B3GALT1: variants seen among roughly 807,000 people sequenced by gnomAD.
B3GALT1 encodes UDP-Gal:betaGlcNAc beta 1,3-galactosyltransferase, polypeptide 1.
B3GALT1 carries 10 observed loss-of-function variants against 23.2 expected under a neutral mutation model. The observed-to-expected ratio is 0.43, with a 90% confidence interval of 0.27 to 0.73. The LOEUF (loss-of-function observed/expected upper bound fraction) is 0.73. Ranked by LOEUF, B3GALT1 falls within the 30% of genes least tolerant of loss-of-function variation. The probability of loss-of-function intolerance (pLI) is 0.21; values close to 1 mark genes in which losing one functional copy is unlikely to be tolerated. For synonymous variants in B3GALT1, 156 were observed against 141.5 expected (o/e 1.10, Z -0.73); for missense variants, 299 against 405.4 (o/e 0.74, Z 2.25).
At chr2:167,350,530 T>C (rs1460893621) in intron 1 of B3GALT1, among the ~76,000 whole-genome samples, 1 of 152,194 alleles carries the variant, frequency 6.6e-6, no homozygotes, top group African/African-American at 2.4e-5. Context: ...AGCTCACAGA[T>C]TGCATTGCAT....
At chr2:167,598,953 G>A (rs1684828820) in intron 2 of B3GALT1, among the ~76,000 whole-genome samples, 2 of 152,064 alleles carry the variant, frequency 1.3e-5, no homozygotes, top group South Asian at 2.1e-4. Context: ...CTTTTAGACT[G>A]TCCAGTACCA....
chr2:167,472,596 T>C (rs771311604), intron 1 of B3GALT1, among the ~76,000 whole-genome samples: 2 of 152,150 alleles, frequency 1.3e-5, no homozygotes, highest in Non-Finnish European at 2.9e-5. Flanking sequence ...AAATATTCTA[T>C]ACAAGTTCAT....
intron 2 of B3GALT1, among the ~76,000 whole-genome samples, chr2:167,620,704 C>T (rs1399022148): frequency 1.4e-5 from 2 of 141,522 alleles, no homozygotes; most frequent in African/African-American, 2.7e-5. Context: ...GCCCTGTCTT[C>T]CTGCTTCAGC....
intron 3 of B3GALT1, among the ~76,000 whole-genome samples, chr2:167,747,995 G>A (rs924010539): frequency 6.6e-6 from 1 of 152,044 alleles, no homozygotes; most frequent in African/African-American, 2.4e-5. Context: ...CATTTAGTAA[G>A]CATTTCTAGT....
intron 1 of B3GALT1, among the ~76,000 whole-genome samples, chr2:167,370,199 C>A (rs1237132852): frequency 6.6e-6 from 1 of 151,880 alleles, no homozygotes; most frequent in African/African-American, 2.4e-5. Context: ...TACTTTATTG[C>A]TGTATATACA....
intron 4 of B3GALT1, among the ~76,000 whole-genome samples, chr2:167,821,568 G>A (rs1689107593): frequency 6.6e-6 from 1 of 151,412 alleles, no homozygotes; most frequent in South Asian, 2.1e-4. Context: ...CCAAGTAGCT[G>A]GAATTACAGG....
intron 2 of B3GALT1, among the ~76,000 whole-genome samples, chr2:167,560,852 T>C (rs1448578346): frequency 6.6e-6 from 1 of 152,014 alleles, no homozygotes; most frequent in East Asian, 1.9e-4. Context: ...CACACAATAA[T>C]AATGGGAGAC....
chr2:167,710,363 G>A (rs1687029668), intron 3 of B3GALT1, among the ~76,000 whole-genome samples: 1 of 152,172 alleles, frequency 6.6e-6, no homozygotes, highest in Non-Finnish European at 1.5e-5. Flanking sequence ...TAAATTAGAA[G>A]CAACCTTAGA....
chr2:167,479,208 T>G (rs780947492), intron 1 of B3GALT1, among the ~76,000 whole-genome samples: 5 of 152,148 alleles, frequency 3.3e-5, no homozygotes, highest in African/African-American at 4.8e-5. Flanking sequence ...TATTAGTGTA[T>G]AGGTAGTTGA....
chr2:167,547,718 A>G (rs1414379682), intron 2 of B3GALT1, among the ~76,000 whole-genome samples: 1 of 150,722 alleles, frequency 6.6e-6, no homozygotes, highest in African/African-American at 2.4e-5. Flanking sequence ...AAAAAAGAAG[A>G]GTCACAGAGG....
Position 167,871,891 on chromosome 2 carries a change from CTTTTTTTTTTTTTT to C in B3GALT1, c.*1886_*1899del, listed in dbSNP as rs397870339. ...AGAGTGTACCTTTTTTATTTATTTA[CTTTTTTTTTTTTTT>C]TTTTTTTTTTTTTTGAGACGGAGTC... On this transcript the variant is annotated 3_prime_UTR_variant, in exon 5 of 5. Transcript: ENST00000392690. 2 of 62,450 alleles carry C rather than the reference CTTTTTTTTTTTTTT, an allele frequency of 3.2e-5. No homozygotes were observed. Among genetic ancestry groups the C allele is most frequent in the Non-Finnish European group, 6.1e-5 (2 of 32,560 alleles). The allele number at this position is 62,450 out of a possible 1,614,324, so 3.9% of individuals were successfully genotyped here. A position where few individuals can be genotyped will look rare whatever the true frequency, so the allele number is the denominator to read the frequency against.
rs66968215 is a variant in B3GALT1, at chr2:167,512,568, G to GTA, written c.-410+22301_-410+22302dup. Among the ~76,000 whole-genome samples, 57 of 38,736 alleles carry GTA rather than the reference G, an allele frequency of 1.5e-3. 2 individuals are homozygous for GTA. The highest frequency in any genetic ancestry group is 7.2e-3 in the Admixed American group (27 of 3,774). The allele number at this position is 38,736 out of a possible 152,430, so 25.4% of individuals were successfully genotyped here. ...TATGTATATATATGTATATATATAT[G>GTA]TATATATATATGTATATATATATGT... is the stretch of plus-strand genomic sequence containing the variant. On this transcript the variant is annotated intron_variant, in intron 2 of 4. Transcript: ENST00000392690.
At chr2:167,340,722 T>C (rs188532090) in intron 1 of B3GALT1, among the ~76,000 whole-genome samples, 1 of 152,286 alleles carries the variant, frequency 6.6e-6, no homozygotes, top group East Asian at 1.9e-4. Flanking sequence ...AGAGCAAAGA[T>C]CTTCTCTAGA....
At chr2:167,633,030 C>T (rs1036900256) in intron 2 of B3GALT1, among the ~76,000 whole-genome samples, 1 of 151,866 alleles carries the variant, frequency 6.6e-6, no homozygotes, top group African/African-American at 2.4e-5. Flanking sequence ...GCCAGTTTTC[C>T]CAACACCATT....
At chr2:167,480,488 G>A (rs1216781699) in intron 1 of B3GALT1, among the ~76,000 whole-genome samples, 4 of 152,162 alleles carry the variant, frequency 2.6e-5, no homozygotes, top group African/African-American at 4.8e-5. Flanking sequence ...TTGTGCAGCT[G>A]TGGACTCCCA....
At chr2:167,840,130 A>C (rs887122883) in intron 4 of B3GALT1, among the ~76,000 whole-genome samples, 5 of 152,336 alleles carry the variant, frequency 3.3e-5, no homozygotes, top group African/African-American at 1.2e-4. Context: ...CAAGGACTTC[A>C]TGTCTAAAAC....
chr2:167,822,305 G>A (rs1689123665), intron 4 of B3GALT1, among the ~76,000 whole-genome samples: 1 of 151,790 alleles, frequency 6.6e-6, no homozygotes, highest in Non-Finnish European at 1.5e-5. Context: ...CAGAAGAGGT[G>A]CTAAACTAAA....
intron 3 of B3GALT1, among the ~76,000 whole-genome samples, chr2:167,731,369 A>G (rs1457037788): frequency 6.6e-6 from 1 of 152,116 alleles, no homozygotes; most frequent in African/African-American, 2.4e-5. Flanking sequence ...GCCAGATGAT[A>G]TTTCTCTGCA....
intron 2 of B3GALT1, among the ~76,000 whole-genome samples, chr2:167,574,487 T>C (rs2105402504): frequency 6.6e-6 from 1 of 151,800 alleles, no homozygotes; most frequent in African/African-American, 2.4e-5. Flanking sequence ...TTGATTCAAT[T>C]GATGATGTGG....
Sources: gnomAD v4.1 joint callset for allele counts (sites outside exome capture counted in the v4.1 genomes callset) on GRCh38, gnomAD v4.1.1 for gene constraint, MANE v1.5 for transcripts, NCBI Gene and HGNC (gene_info 2026-07-23, HGNC 2026-07-21) for gene names.